The following UHRF1 variants were observed in gnomAD, a reference collection of about 807,000 sequenced individuals.
The protein encoded by UHRF1 is ubiquitin like with PHD and ring finger domains 1.
UHRF1 carries 9 observed loss-of-function variants against 96.5 expected under a neutral mutation model. The observed-to-expected ratio is 0.09, with a 90% confidence interval of 0.06 to 0.16. UHRF1 has a LOEUF of 0.16. Ranked by LOEUF, UHRF1 falls within the 10% of genes least tolerant of loss-of-function variation. The pLI, the probability that UHRF1 is intolerant of heterozygous loss-of-function variation, is 1.00. For synonymous variants in UHRF1, 455 were observed against 469.9 expected (o/e 0.97, Z 0.41); for missense variants, 626 against 1,131.1 (o/e 0.55, Z 6.40).
intron 7 of UHRF1, 64 bp downstream of exon 7, chr19:4,941,995 C>T: frequency 7.1e-7 from 1 of 1,416,008 alleles, no homozygotes; most frequent in Non-Finnish European, 9.3e-7. Flanking sequence ...CAGAGGGGCA[C>T]TGAGGAGATA....
At chr19:4,922,000 G>C (rs1344776135) in intron 2 of UHRF1, among the ~76,000 whole-genome samples, 1 of 152,202 alleles carries the variant, frequency 6.6e-6, no homozygotes, top group Non-Finnish European at 1.5e-5. Context: ...CTGTCGCCTA[G>C]GCTGGAGTGC....
rs1367045132 is a variant in UHRF1, at chr19:4,930,932, TG to T, written c.569+58del. ...ATTCAGGCTCTGTGACGCGCATCCT[TG>T]GCTGCGGGTGTTCAGGCCAGAGCTT... On this transcript the variant is annotated intron_variant, in intron 4 of 16. Transcript: ENST00000650932. This position sits in a 1 kb window ranked among gnomAD's most constrained non-coding sequence, Gnocchi z 4.4. 4.4e-6 allele frequency: 7 copies of T among 1,597,522 alleles called. No individual in the cohort carries two copies. The highest frequency in any genetic ancestry group is 6.0e-6 in the Non-Finnish European group (7 of 1,168,804).
At chr19:4,906,201 A>C (rs2146266145), upstream of UHRF1, among the ~76,000 whole-genome samples, 1 of 151,474 alleles carries the variant, frequency 6.6e-6, no homozygotes, top group South Asian at 2.1e-4. Flanking sequence ...CTGGTCTCAA[A>C]CTCCCGGGCG....
At chr19:4,951,109 T>TA in intron 13 of UHRF1, 113 bp downstream of exon 13, 2 of 1,362,476 alleles carry the variant, frequency 1.5e-6, no homozygotes, top group Non-Finnish European at 1.9e-6. Flanking sequence ...CTACTAAAAA[T>TA]ACAAAAATTA....
chr19:4,928,430 C>A (rs1414186254), intron 2 of UHRF1, among the ~76,000 whole-genome samples: 1 of 152,094 alleles, frequency 6.6e-6, no homozygotes, highest in Non-Finnish European at 1.5e-5. Context: ...GCTTCTCCAG[C>A]CCCCAGATAC....
chr19:4,925,901 T>C (rs1412641261), intron 2 of UHRF1, among the ~76,000 whole-genome samples: 1 of 150,116 alleles, frequency 6.7e-6, no homozygotes, highest in Non-Finnish European at 1.5e-5. Flanking sequence ...TTCTTTCTTT[T>C]TTTCTTTCTT....
chr19:4,950,207 TA>T (rs1424518694), intron 11 of UHRF1, among the ~76,000 whole-genome samples: 3 of 151,992 alleles, frequency 2.0e-5, no homozygotes, highest in African/African-American at 7.2e-5. Flanking sequence ...GGGTGTGGCC[TA>T]TTTTATAAAT....
intron 2 of UHRF1, among the ~76,000 whole-genome samples, chr19:4,918,426 T>G (rs1355011162): frequency 6.6e-6 from 1 of 151,332 alleles, no homozygotes; most frequent in Non-Finnish European, 1.5e-5. Context: ...CTGGCCTGTT[T>G]TTTTTTTTTT....
chr19:4,928,794 C>A (rs1047707544), intron 2 of UHRF1, among the ~76,000 whole-genome samples: 1 of 152,194 alleles, frequency 6.6e-6, no homozygotes, highest in African/African-American at 2.4e-5. Flanking sequence ...GCGACAACCA[C>A]AAATGTCCCA....
intron 2 of UHRF1, among the ~76,000 whole-genome samples, chr19:4,925,798 A>T (rs1319248082): frequency 1.3e-5 from 2 of 152,180 alleles, no homozygotes; most frequent in East Asian, 3.8e-4. Flanking sequence ...CTGGGATGAC[A>T]GGCGTGAGCC....
chr19:4,905,121 T>C (rs2032039187), upstream of UHRF1, among the ~76,000 whole-genome samples: 1 of 142,146 alleles, frequency 7.0e-6, no homozygotes, highest in South Asian at 2.4e-4. Context: ...TTTTTTTTTT[T>C]TTTTTTTTTT....
intron 9 of UHRF1, among the ~76,000 whole-genome samples, chr19:4,945,205 C>T (rs1048297475): frequency 1.3e-5 from 2 of 152,186 alleles, no homozygotes; most frequent in African/African-American, 2.4e-5. Context: ...GCACCTCAAC[C>T]GGCCTAATGA....
rs771673805 is a variant in UHRF1, at chr19:4,954,334, C to G, written c.1819-16C>G. 1.9e-6 allele frequency: 3 copies of G among 1,610,008 alleles called. No individual in the cohort carries two copies. In the South Asian group the frequency reaches 3.3e-5, roughly 18 times the overall value. ...GCCCCAAGCCTGACTCACGGCTGTC[C>G]CTCTTCCTCCTGAAGTATCCAGAAG... On this transcript the variant is annotated splice_polypyrimidine_tract_variant and intron_variant, in intron 13 of 16. Transcript: ENST00000650932. This position sits in a 1 kb window ranked among gnomAD's most constrained non-coding sequence, Gnocchi z 5.9.
At chr19:4,948,926 A>G (rs17880524) in intron 11 of UHRF1, among the ~76,000 whole-genome samples, 5 of 144,342 alleles carry the variant, frequency 3.5e-5, no homozygotes, top group African/African-American at 5.3e-5. Context: ...GATCGAAACC[A>G]TCCTGGCTAA....
chr19:4,942,584 G>A (rs1334754928), intron 7 of UHRF1, among the ~76,000 whole-genome samples: 1 of 152,100 alleles, frequency 6.6e-6, no homozygotes, highest in Non-Finnish European at 1.5e-5. Flanking sequence ...GAGTAGCTGG[G>A]ATTACAGGTG....
At chr19:4,953,082 G>A (rs1006084659) in intron 13 of UHRF1, among the ~76,000 whole-genome samples, 3 of 152,136 alleles carry the variant, frequency 2.0e-5, no homozygotes, top group African/African-American at 4.8e-5. Flanking sequence ...CACGTCACCC[G>A]CGTTCGCTCA....
intron 2 of UHRF1, among the ~76,000 whole-genome samples, chr19:4,927,787 ACC>A (rs2032921402): frequency 6.6e-6 from 1 of 151,742 alleles, no homozygotes; most frequent in African/African-American, 2.4e-5. Flanking sequence ...AGAGGGGGAG[ACC>A]CAGCCCATCC....
chr19:4,905,288 T>C (rs898577099), upstream of UHRF1, among the ~76,000 whole-genome samples: 4 of 149,602 alleles, frequency 2.7e-5, no homozygotes, highest in Admixed American at 1.3e-4. Flanking sequence ...GGCTAATTTT[T>C]TTTTGTATTT....
At chr19:4,909,462 C>A, upstream of UHRF1, 1 of 654,302 alleles carries the variant, frequency 1.5e-6, no homozygotes, top group Non-Finnish European at 2.8e-6. Context: ...CCTGCGGCCC[C>A]GCAACTCCCA....
Sources: allele counts gnomAD v4.1 joint callset (sites outside exome capture counted in the v4.1 genomes callset), GRCh38; gene constraint gnomAD v4.1.1; non-coding constraint Gnocchi (gnomAD v3.1); transcripts MANE v1.5; gene names NCBI Gene and HGNC (gene_info 2026-07-23, HGNC 2026-07-21).